CLNK: variants seen among roughly 807,000 people sequenced by gnomAD.
CLNK encodes the protein cytokine dependent hematopoietic cell linker.
A neutral mutation model predicts 68.6 loss-of-function variants in CLNK; 74 were observed. That is an observed-to-expected ratio of 1.08 (90% CI 0.89 to 1.31). The LOEUF (loss-of-function observed/expected upper bound fraction) is 1.31. Among genes scored for constraint, CLNK ranks in the 50% most tolerant of loss-of-function variants. The pLI, the probability that CLNK is intolerant of heterozygous loss-of-function variation, is 0.00. For synonymous variants in CLNK, 198 were observed against 172.2 expected (o/e 1.15, Z -1.17); for missense variants, 553 against 515.3 (o/e 1.07, Z -0.71).
chr4:10,661,748 C>T (rs1724198475), intron 2 of CLNK, among the ~76,000 whole-genome samples: 1 of 152,178 alleles, frequency 6.6e-6, no homozygotes, highest in African/African-American at 2.4e-5. Flanking sequence ...CAATGATTAA[C>T]ATTGACTTGA....
At chr4:10,674,701 A>G (rs1296478090) in intron 1 of CLNK, among the ~76,000 whole-genome samples, 1 of 152,178 alleles carries the variant, frequency 6.6e-6, no homozygotes, top group Admixed American at 6.5e-5. Flanking sequence ...TCAACCATCT[A>G]TTTGGACCAA....
At chr4:10,545,109 CT>C (rs1719174138) in intron 8 of CLNK, among the ~76,000 whole-genome samples, 1 of 152,266 alleles carries the variant, frequency 6.6e-6, no homozygotes, top group Admixed American at 6.5e-5. Context: ...CATTCCACCC[CT>C]GGTTCACCGA....
chr4:10,630,706 C>T (rs935215965), intron 2 of CLNK, among the ~76,000 whole-genome samples: 1 of 152,088 alleles, frequency 6.6e-6, no homozygotes, highest in African/African-American at 2.4e-5. Context: ...ATTTTTAGTC[C>T]ATCTTTTCAT....
intron 18 of CLNK, among the ~76,000 whole-genome samples, chr4:10,495,882 G>T (rs1237528223): frequency 1.3e-5 from 2 of 152,120 alleles, no homozygotes; most frequent in Non-Finnish European, 2.9e-5. Flanking sequence ...CTGGAGCGAC[G>T]TGGCCATAAA....
Position 10,667,895 on chromosome 4 carries a change from G to A in CLNK, c.-26C>T, listed in dbSNP as rs773751774. The A allele has an allele frequency of 3.2e-6, 5 of 1,584,522 alleles. No homozygotes were observed. Among genetic ancestry groups the A allele is most frequent in the Admixed American group, 3.5e-5 (2 of 57,270 alleles). ...AGTTCTTGGCACCTGGCGGGTAAGA[G>A]GGATCTTCAATTCAGCCTGTGGAAA... On this transcript the variant is annotated 5_prime_UTR_variant, in exon 2 of 19. Transcript: ENST00000226951.
chr4:10,581,418 A>T (rs546063174), intron 4 of CLNK, among the ~76,000 whole-genome samples: 1 of 152,296 alleles, frequency 6.6e-6, no homozygotes, highest in Non-Finnish European at 1.5e-5. Context: ...ATTTCAGTTT[A>T]TTCACTGGAC....
intron 4 of CLNK, among the ~76,000 whole-genome samples, chr4:10,581,259 G>A (rs556514079): frequency 2.6e-5 from 4 of 152,160 alleles, no homozygotes; most frequent in African/African-American, 9.6e-5. Flanking sequence ...ATCACCTAAC[G>A]ATGTATTTTT....
At chr4:10,640,166 T>A (rs1723253336) in intron 2 of CLNK, among the ~76,000 whole-genome samples, 1 of 152,088 alleles carries the variant, frequency 6.6e-6, no homozygotes, top group Non-Finnish European at 1.5e-5. Flanking sequence ...ACATTTTTTT[T>A]TTTTGTCTCT....
intron 5 of CLNK, 31 bp downstream of exon 5, chr4:10,571,700 TTAAAGACGTA>T: frequency 6.5e-7 from 1 of 1,527,336 alleles, no homozygotes. Flanking sequence ...CTTTGCAATA[TTAAAGACGTA>T]TAAAATAGAT....
At chr4:10,581,072 A>C (rs1315037733) in intron 4 of CLNK, among the ~76,000 whole-genome samples, 3 of 152,158 alleles carry the variant, frequency 2.0e-5, no homozygotes, top group Non-Finnish European at 4.4e-5. Flanking sequence ...GTTTAGATAC[A>C]CAAATTCTTA....
chr4:10,690,690 G>A, the CLNK span, among the ~76,000 whole-genome samples: 3 of 152,072 alleles, frequency 2.0e-5, no homozygotes, highest in East Asian at 1.9e-4. Context: ...TTACAATAAC[G>A]CCTCTGTGTT....
chr4:10,688,131 C>G (rs1368361069), upstream of CLNK, among the ~76,000 whole-genome samples: 2 of 152,162 alleles, frequency 1.3e-5, no homozygotes, highest in Non-Finnish European at 2.9e-5. Context: ...CTATAATTAG[C>G]ATTAGCCCGC....
chr4:10,599,493 GT>G (rs929570684), intron 2 of CLNK, among the ~76,000 whole-genome samples: 5 of 151,710 alleles, frequency 3.3e-5, no homozygotes, highest in East Asian at 3.9e-4. Flanking sequence ...ATTATTCATT[GT>G]TTTTTTTCTA....
At chr4:10,630,761 C>G (rs541423837) in intron 2 of CLNK, among the ~76,000 whole-genome samples, 2 of 152,266 alleles carry the variant, frequency 1.3e-5, no homozygotes, top group South Asian at 4.1e-4. Context: ...TAACAATAAG[C>G]CATTACTTAT....
the CLNK span, among the ~76,000 whole-genome samples, chr4:10,691,711 G>A: frequency 6.6e-6 from 1 of 152,156 alleles, no homozygotes. Context: ...CCTGTGCAGA[G>A]GCTAAATTGT....
intron 11 of CLNK, among the ~76,000 whole-genome samples, chr4:10,536,074 G>A (rs901644265): frequency 6.6e-6 from 1 of 152,200 alleles, no homozygotes; most frequent in Non-Finnish European, 1.5e-5. Flanking sequence ...TAGCAGAGCT[G>A]GCAGAGACAA....
At chr4:10,608,679 C>T (rs1721879079) in intron 2 of CLNK, among the ~76,000 whole-genome samples, 1 of 152,218 alleles carries the variant, frequency 6.6e-6, no homozygotes, top group Admixed American at 6.5e-5. Flanking sequence ...AGAAAACCCT[C>T]ATGTTATTCT....
intron 2 of CLNK, among the ~76,000 whole-genome samples, chr4:10,645,211 C>G (rs938931501): frequency 5.3e-5 from 8 of 152,206 alleles, no homozygotes; most frequent in Non-Finnish European, 1.2e-4. Flanking sequence ...TCTTATGTCT[C>G]AGCCTTGAGC....
chr4:10,565,350 A>AT (rs1720065743), intron 6 of CLNK, among the ~76,000 whole-genome samples: 1 of 152,204 alleles, frequency 6.6e-6, no homozygotes, highest in African/African-American at 2.4e-5. Flanking sequence ...ACTTCTATAG[A>AT]TTCACTTTAG....
Sources: gnomAD v4.1 joint callset for allele counts (sites outside exome capture counted in the v4.1 genomes callset) on GRCh38, gnomAD v4.1.1 for gene constraint, MANE v1.5 for transcripts, NCBI Gene and HGNC (gene_info 2026-07-23, HGNC 2026-07-21) for gene names.